The following PREX2 variants were observed in gnomAD, a reference collection of about 807,000 sequenced individuals.
The protein encoded by PREX2 is phosphatidylinositol 3,4,5-trisphosphate-dependent Rac exchanger 2 protein.
In PREX2, 107 loss-of-function variants were observed where a neutral mutation model predicts 203.2. The ratio of observed to expected loss-of-function variants is 0.53; its 90% confidence interval spans 0.45 to 0.62. The LOEUF is 0.62. Ranked by LOEUF, PREX2 falls within the 20% of genes least tolerant of loss-of-function variation. The pLI, the probability that PREX2 is intolerant of heterozygous loss-of-function variation, is 0.00. For synonymous variants in PREX2, 672 were observed against 663.6 expected, an observed-to-expected ratio of 1.01 and a Z score of -0.19; for missense variants, 1,777 against 1,955.9, an observed-to-expected ratio of 0.91 and a Z score of 1.72.
chr8:68,015,073 AAAC>A (rs1214459593), intron 1 of PREX2, among the ~76,000 whole-genome samples: 1 of 152,232 alleles, frequency 6.6e-6, no homozygotes, highest in Non-Finnish European at 1.5e-5. Flanking sequence ...TACAGAGATA[AAAC>A]AATGTGTAGA....
At chr8:68,083,825 G>A (rs1467432329) in intron 18 of PREX2, among the ~76,000 whole-genome samples, 1 of 152,120 alleles carries the variant, frequency 6.6e-6, no homozygotes, top group Non-Finnish European at 1.5e-5. Flanking sequence ...ATCCATACTT[G>A]CATGTGCTTA....
chr8:68,100,869 G>T (rs1810243691), intron 23 of PREX2, among the ~76,000 whole-genome samples: 1 of 152,194 alleles, frequency 6.6e-6, no homozygotes, highest in South Asian at 2.1e-4. Flanking sequence ...GAGAAATAGA[G>T]ACTGGTAGGA....
chr8:68,034,376 CTGAT>C (rs1204186099), intron 6 of PREX2, among the ~76,000 whole-genome samples: 7 of 152,050 alleles, frequency 4.6e-5, no homozygotes, highest in East Asian at 1.9e-4. Flanking sequence ...TGTGTGTTGG[CTGAT>C]TGATTATGTT....
At chr8:68,076,182 C>A (rs1208195140) in intron 14 of PREX2, among the ~76,000 whole-genome samples, 3 of 152,174 alleles carry the variant, frequency 2.0e-5, no homozygotes, top group Non-Finnish European at 1.5e-5. Context: ...TCTGGCCAGG[C>A]ACAGTGGTTC....
chr8:68,077,038 A>G (rs751077515), intron 14 of PREX2, among the ~76,000 whole-genome samples: 3 of 152,186 alleles, frequency 2.0e-5, no homozygotes, highest in Non-Finnish European at 4.4e-5. Context: ...GAGTGTTGTC[A>G]ATTTACAGGA....
intron 35 of PREX2, among the ~76,000 whole-genome samples, chr8:68,166,234 G>T (rs1273636251): frequency 6.6e-6 from 1 of 152,152 alleles, no homozygotes; most frequent in Non-Finnish European, 1.5e-5. Flanking sequence ...CTGAATTCAG[G>T]TGAACTCACC....
intron 37 of PREX2, among the ~76,000 whole-genome samples, chr8:68,198,975 G>T (rs1280530105): frequency 6.6e-6 from 1 of 152,184 alleles, no homozygotes; most frequent in Non-Finnish European, 1.5e-5. Flanking sequence ...TCAAAACACT[G>T]GAGATCTGTA....
chr8:67,954,304 A>T lies in PREX2; in HGVS notation c.141+1769A>T, dbSNP rs867579235. Among the ~76,000 whole-genome samples, 3 of 152,306 alleles carry T rather than the reference A, an allele frequency of 2.0e-5. No individual in the cohort carries two copies. In the South Asian group the frequency reaches 6.2e-4, roughly 32 times the overall value. On this transcript the variant is annotated intron_variant, in intron 1 of 39. Transcript: ENST00000288368. ...TGCCTGTTTATGTTTATATGCACAA[A>T]TGCACTAATTAGTCTGAATGCCATC... is the stretch of plus-strand genomic sequence containing the variant.
At chr8:68,039,207 G>A (rs997045588) in intron 7 of PREX2, among the ~76,000 whole-genome samples, 18 of 152,074 alleles carry the variant, frequency 1.2e-4, no homozygotes, top group African/African-American at 3.1e-4. Flanking sequence ...TCTGGCATGA[G>A]CAGCATTCAA....
intron 37 of PREX2, among the ~76,000 whole-genome samples, chr8:68,196,724 T>TC (rs147198032): frequency 5.7e-4 from 83 of 146,682 alleles, no homozygotes; most frequent in South Asian, 8.7e-4. Context: ...GTATGGCACC[T>TC]CCCCCCCCCA....
intron 34 of PREX2, among the ~76,000 whole-genome samples, chr8:68,152,105 C>G (rs546548753): frequency 4.4e-4 from 67 of 151,356 alleles, no homozygotes; most frequent in Admixed American, 2.0e-3. Flanking sequence ...CTGGCTAACA[C>G]GATGAAACCC....
intron 35 of PREX2, among the ~76,000 whole-genome samples, chr8:68,178,784 A>G (rs1009971972): frequency 7.9e-5 from 12 of 152,190 alleles, no homozygotes; most frequent in Non-Finnish European, 1.6e-4. Flanking sequence ...TTGGTAGAAG[A>G]AAACAAATCT....
chr8:68,060,945 G>T (rs187076783), intron 11 of PREX2, among the ~76,000 whole-genome samples, 166 bp downstream of exon 11: 2 of 152,166 alleles, frequency 1.3e-5, no homozygotes, highest in East Asian at 3.9e-4. Context: ...AGGGAGTGTG[G>T]GTTTATAGGG....
At position 68,121,031 on chromosome 8, in the gene PREX2, A is replaced by T. The variant is rs1266619068; in HGVS notation, c.3706A>T (p.Ile1236Phe). The stretch of plus-strand genomic sequence containing the variant: ...CAGCGTCCGGACTCTTGCTCAGAAC[A>T]TCAGGAAATTTGTTGAAGGTCAGCA... ...PSSVRTLAQN[I>F]RKFVEEVKCR... Residue 1236 changes from isoleucine (I) to phenylalanine (F), a missense_variant, in exon 30 of 40, where the codon ATC (isoleucine) becomes TTC (phenylalanine). Physicochemically the swap from Ile to Phe is conservative, Grantham distance 21. Coordinates refer to ENST00000288368, the MANE Select transcript of PREX2 (RefSeq NM_024870.4). 4 of 1,613,204 alleles carry T rather than the reference A, an allele frequency of 2.5e-6. No individual in the cohort carries two copies. The highest frequency in any genetic ancestry group is 3.4e-6 in the Non-Finnish European group (4 of 1,179,630).
chr8:68,106,762 C>A (rs1810421700), intron 23 of PREX2, among the ~76,000 whole-genome samples: 2 of 151,926 alleles, frequency 1.3e-5, no homozygotes, highest in South Asian at 4.2e-4. Context: ...CTTATTCATG[C>A]CAAAATTATT....
chr8:68,069,055 A>G lies in PREX2; in HGVS notation c.1362A>G (p.Lys454=), dbSNP rs746256737. ...IHHVTDKHQF[K]PEQMLYRFRY... is the part of the protein sequence containing the mutation. ...TAGTTACTGATAAACATCAATTCAA[A>G]CCAGAACAGATGTTATATAGATTTC... The change falls in exon 12 of 40, where the codon AAA becomes AAG. Residue 454 remains lysine (K), a synonymous_variant. Coordinates refer to ENST00000288368, the MANE Select transcript of PREX2 (RefSeq NM_024870.4). 1 of 1,513,870 alleles carries G rather than the reference A, an allele frequency of 6.6e-7. No homozygotes were observed. Among genetic ancestry groups the G allele is most frequent in the Non-Finnish European group, 8.9e-7 (1 of 1,118,398 alleles). The allele number at this position is 1,513,870 out of a possible 1,614,324, so 93.8% of individuals were successfully genotyped here.
chr8:68,182,297 G>A (rs1374822177), intron 35 of PREX2, among the ~76,000 whole-genome samples: 1 of 152,012 alleles, frequency 6.6e-6, no homozygotes, highest in African/African-American at 2.4e-5. Flanking sequence ...TAGGTAAAAC[G>A]GTGCTATTGT....
chr8:68,138,646 A>G (rs1811160199), intron 33 of PREX2, 129 bp downstream of exon 33: 4 of 492,622 alleles, frequency 8.1e-6, no homozygotes, highest in Admixed American at 3.8e-5. Context: ...TGATTTAGAA[A>G]TTTTCCATCA....
At chr8:68,145,142 A>G (rs1297011016) in intron 33 of PREX2, among the ~76,000 whole-genome samples, 1 of 152,162 alleles carries the variant, frequency 6.6e-6, no homozygotes, top group Non-Finnish European at 1.5e-5. Context: ...AGATTTTCCC[A>G]ATTATTCAAA....
Sources: allele counts gnomAD v4.1 joint callset (sites outside exome capture counted in the v4.1 genomes callset), GRCh38; gene constraint gnomAD v4.1.1; transcripts MANE v1.5; gene names NCBI Gene and HGNC (gene_info 2026-07-23, HGNC 2026-07-21).